The following DIAPH2 variants were observed in gnomAD, a reference collection of about 807,000 sequenced individuals.
The protein encoded by DIAPH2 is protein diaphanous homolog 2.
A neutral mutation model predicts 92.7 loss-of-function variants in DIAPH2; 35 were observed. The observed-to-expected ratio is 0.38, with a 90% confidence interval of 0.29 to 0.50. DIAPH2 has a LOEUF of 0.50. Among genes scored for constraint, DIAPH2 ranks in the 20% least tolerant of loss-of-function variants. The pLI is 0.94. For synonymous variants in DIAPH2, 301 were observed against 280.4 expected, an observed-to-expected ratio of 1.07 and a Z score of -0.73; for missense variants, 701 against 819.5, an observed-to-expected ratio of 0.86 and a Z score of 1.77.
chrX:97,088,827 T>C (rs1158581661), intron 19 of DIAPH2, among the ~76,000 whole-genome samples: 4 of 112,102 alleles, frequency 3.6e-5, no homozygotes, highest in Non-Finnish European at 7.5e-5. Flanking sequence ...ATTTCTGTCA[T>C]AGATGACTTT....
chrX:96,959,642 T>A (rs1434263055), intron 16 of DIAPH2, among the ~76,000 whole-genome samples: 2 of 111,848 alleles, frequency 1.8e-5, no homozygotes, highest in Non-Finnish European at 3.8e-5. Context: ...ACTTACCCAT[T>A]TTTGTTTTTG....
intron 1 of DIAPH2, among the ~76,000 whole-genome samples, chrX:96,726,937 G>A (rs933720389): frequency 3.6e-5 from 4 of 111,653 alleles, no homozygotes; most frequent in Admixed American, 1.9e-4. Context: ...TCTGCAAGCC[G>A]CCTTTTTAGC....
chrX:97,460,370 A>G lies in DIAPH2; in HGVS notation c.3241+30625A>G, dbSNP rs999165741. Among the ~76,000 whole-genome samples, 3 of 112,134 alleles carry G rather than the reference A, an allele frequency of 2.7e-5. No individual in the cohort carries two copies. The Admixed American group carries it at 2.9e-4, about 11-fold the overall frequency. ...TATTTTTATTAGTTAGAGTTTAAAG[A>G]AAAAGCAGCAGTAAAAAAGGAGAGA... On this transcript the variant is annotated intron_variant, in intron 26 of 26. Transcript: ENST00000324765.
chrX:96,763,832 A>T (rs1241842870), intron 4 of DIAPH2, among the ~76,000 whole-genome samples: 1 of 111,220 alleles, frequency 9.0e-6, no homozygotes, highest in Non-Finnish European at 1.9e-5. Flanking sequence ...TATCTTCATG[A>T]CTAAGCACTC....
At chrX:97,209,422 A>T (rs941435225) in intron 22 of DIAPH2, among the ~76,000 whole-genome samples, 1 of 111,802 alleles carries the variant, frequency 8.9e-6, no homozygotes, top group African/African-American at 3.2e-5. Flanking sequence ...GAGACATTTT[A>T]AAAAATTGTG....
At chrX:96,881,424 A>G (rs2065212262) in intron 4 of DIAPH2, among the ~76,000 whole-genome samples, 155 bp from the exon 5 acceptor site, 1 of 111,307 alleles carries the variant, frequency 9.0e-6, no homozygotes, top group Non-Finnish European at 1.9e-5. Context: ...GATATATACA[A>G]CACAATTTTA....
At position 97,265,108 on chromosome X, in the gene DIAPH2, A is replaced by G. The variant is rs371670798; in HGVS notation, c.2844+17269A>G. On this transcript the variant is annotated intron_variant, in intron 23 of 26. Coordinates refer to ENST00000324765, the MANE Select transcript of DIAPH2 (RefSeq NM_006729.5). ...TTGTTCCAGTATCTCATCAAGTCAA[A>G]TAAGCACAGAGTAAGAATTTCAAAG... 6.2e-5 allele frequency among the ~76,000 whole-genome samples: 7 copies of G among 112,186 alleles called. No homozygotes were observed. In the East Asian group the frequency reaches 2.0e-3, roughly 31 times the overall value.
At chrX:97,034,418 A>C (rs1009552593) in intron 17 of DIAPH2, among the ~76,000 whole-genome samples, 5 of 109,800 alleles carry the variant, frequency 4.6e-5, no homozygotes, top group African/African-American at 1.7e-4. Context: ...TGTTAGCCTA[A>C]GGTTCCAAAA....
At chrX:96,886,427 T>C (rs1439873405) in intron 5 of DIAPH2, among the ~76,000 whole-genome samples, 6 of 110,843 alleles carry the variant, frequency 5.4e-5, no homozygotes, top group Non-Finnish European at 7.6e-5. Context: ...TTGCCAGTAC[T>C]CCGTACTTTC....
intron 26 of DIAPH2, among the ~76,000 whole-genome samples, chrX:97,497,716 G>T (rs770992672): frequency 7.8e-4 from 86 of 110,337 alleles, no homozygotes; most frequent in African/African-American, 2.8e-3. Flanking sequence ...TGCAGCAGGA[G>T]AATTGCTTGA....
chrX:97,133,777 A>G (rs2067153504), intron 21 of DIAPH2, among the ~76,000 whole-genome samples: 1 of 112,302 alleles, frequency 8.9e-6, no homozygotes, highest in African/African-American at 3.2e-5. Flanking sequence ...TGCCAGGGCC[A>G]TGGAGCAGGA....
chrX:97,151,023 G>A (rs1195960814), intron 22 of DIAPH2, among the ~76,000 whole-genome samples: 1 of 111,860 alleles, frequency 8.9e-6, no homozygotes, highest in Non-Finnish European at 1.9e-5. Flanking sequence ...AGAAAACCAT[G>A]TCTTCAAAAA....
intron 4 of DIAPH2, among the ~76,000 whole-genome samples, chrX:96,761,317 CAT>C (rs34427924): frequency 0.16 from 16,638 of 106,752 alleles, 1,152 homozygotes; most frequent in East Asian, 0.32. Context: ...TTTTTTAAGA[CAT>C]GTGAACCATT....
At chrX:96,721,678 C>T (rs2147550112) in intron 1 of DIAPH2, among the ~76,000 whole-genome samples, 1 of 111,808 alleles carries the variant, frequency 8.9e-6, no homozygotes, top group African/African-American at 3.3e-5. Context: ...GTGCTTCCCT[C>T]TACTATGATG....
At chrX:97,137,195 G>A (rs1013231599) in intron 21 of DIAPH2, among the ~76,000 whole-genome samples, 4 of 103,398 alleles carry the variant, frequency 3.9e-5, no homozygotes, top group Admixed American at 2.1e-4. Flanking sequence ...TCTAGCAAAT[G>A]TGTGTTCTGG....
rs1305616322 is a variant in DIAPH2 at position 97,599,875 on chromosome X, A to C, written c.*558A>C. On this transcript the variant is annotated 3_prime_UTR_variant, in exon 27 of 27. Transcript: ENST00000324765. ...GCTCCACCCCAGTTGAGTTATTTAG[A>C]ATTTTATCTCAAGTGAAAGCTGATG... The C allele has an allele frequency of 8.9e-6, 1 of 112,357 alleles. No homozygotes were observed. The highest frequency in any genetic ancestry group is 3.2e-5 in the African/African-American group (1 of 30,878). 9.3% of individuals were successfully genotyped at this position (112,357 alleles called of 1,213,427 possible).
intron 17 of DIAPH2, among the ~76,000 whole-genome samples, chrX:97,033,286 T>A (rs1393481452): frequency 3.6e-5 from 4 of 112,031 alleles, no homozygotes; most frequent in African/African-American, 1.3e-4. Flanking sequence ...TTTCCAACTT[T>A]AAATATTTGA....
intron 19 of DIAPH2, among the ~76,000 whole-genome samples, chrX:97,094,558 T>C (rs1385575561): frequency 4.5e-5 from 5 of 112,305 alleles, no homozygotes; most frequent in African/African-American, 1.6e-4. Context: ...GTAATCAGCA[T>C]TTTAACATAC....
intron 21 of DIAPH2, 33 bp downstream of exon 21, chrX:97,114,998 C>T: frequency 9.0e-7 from 1 of 1,106,695 alleles, no homozygotes; most frequent in Non-Finnish European, 1.2e-6. Context: ...TAATTTACAA[C>T]AATAATCTTC....
Sources: gnomAD v4.1 joint callset for allele counts (sites outside exome capture counted in the v4.1 genomes callset) on GRCh38, gnomAD v4.1.1 for gene constraint, MANE v1.5 for transcripts, NCBI Gene and HGNC (gene_info 2026-07-23, HGNC 2026-07-21) for gene names.